Variants in GALNTL5 observed in about 807,000 individuals in gnomAD.
GALNTL5 encodes polypeptide N-acetylgalactosaminyltransferase like 5.
In GALNTL5, 44 loss-of-function variants were observed where a neutral mutation model predicts 51.0. The observed-to-expected ratio is 0.86, with a 90% CI of 0.68 to 1.11. The LOEUF (loss-of-function observed/expected upper bound fraction) is 1.11, where lower values mean the gene tolerates loss of function less well. Ranked by LOEUF, GALNTL5 falls within the 50% of genes least tolerant of loss-of-function variation. The pLI is 0.00. For missense variants in GALNTL5, 528 were observed against 531.8 expected, an observed-to-expected ratio of 0.99 and a Z score of 0.07; for synonymous variants, 192 against 182.8, an observed-to-expected ratio of 1.05 and a Z score of -0.41.
chr7:152,009,832 A>G (rs1485262668), intron 7 of GALNTL5, among the ~76,000 whole-genome samples: 1 of 152,198 alleles, frequency 6.6e-6, no homozygotes, highest in Non-Finnish European at 1.5e-5. Context: ...TATTTTTAGT[A>G]GGATACTTGC....
chr7:152,003,617 A>C (rs564495192), intron 6 of GALNTL5, among the ~76,000 whole-genome samples: 1 of 152,368 alleles, frequency 6.6e-6, no homozygotes, highest in East Asian at 1.9e-4. Context: ...AGCTACAGTA[A>C]TGTCACAGAC....
intron 8 of GALNTL5, among the ~76,000 whole-genome samples, chr7:152,016,822 G>A (rs1286788210): frequency 6.6e-6 from 1 of 151,924 alleles, no homozygotes; most frequent in Non-Finnish European, 1.5e-5. Context: ...ATCACCTGAG[G>A]CCAGGAGTTC....
At chr7:151,965,142 A>G (rs2081042629) in intron 1 of GALNTL5, among the ~76,000 whole-genome samples, 1 of 152,154 alleles carries the variant, frequency 6.6e-6, no homozygotes, top group Admixed American at 6.5e-5. Context: ...GGCTTTCCCC[A>G]AGCCCAAAGC....
rs2081784788 is a variant in GALNTL5 at position 152,014,758 on chromosome 7, C to T, written c.1141C>T (p.Leu381=). The change falls in exon 8 of 9, where the codon CTA becomes TTA. Residue 381 remains leucine, a synonymous_variant. Transcript: ENST00000392800. ...TIISAMTHNY[L]RLVHVWLDEY... ...CATCAGTGCTATGACACATAACTAC[C>T]TAAGACTGGTGCACGTTTGGCTGGA... 1.9e-6 allele frequency: 3 copies of T among 1,612,554 alleles called. No individual in the cohort carries two copies. The highest frequency in any genetic ancestry group is 2.5e-6 in the Non-Finnish European group (3 of 1,179,600).
At chr7:151,992,630 C>T (rs1365498785) in intron 5 of GALNTL5, among the ~76,000 whole-genome samples, 1 of 152,182 alleles carries the variant, frequency 6.6e-6, no homozygotes, top group Non-Finnish European at 1.5e-5. Context: ...GCTCGCTCTA[C>T]CCTGGTATGA....
chr7:151,964,220 T>C (rs1301760315), intron 1 of GALNTL5, among the ~76,000 whole-genome samples: 1 of 152,210 alleles, frequency 6.6e-6, no homozygotes, highest in Non-Finnish European at 1.5e-5. Flanking sequence ...CCCTGTGACC[T>C]CATATAACCA....
At chr7:151,993,282 C>CT (rs760886747) in intron 5 of GALNTL5, among the ~76,000 whole-genome samples, 186 of 150,240 alleles carry the variant, frequency 1.2e-3, no homozygotes, top group Admixed American at 3.0e-3. Flanking sequence ...TTTGTTTGTA[C>CT]TGTGTTCTTA....
In GALNTL5 at chr7:151,964,319, G is replaced by A. The variant is rs574240642; in HGVS notation, c.-39-2889G>A. Among the ~76,000 whole-genome samples the A allele has an allele frequency of 1.2e-4, 18 of 152,290 alleles. No individual in the cohort carries two copies. In the South Asian group the frequency reaches 3.1e-3, roughly 26 times the overall value. ...GTGAGTTGCAGGGGGACACAGTTCC[G>A]TTCATTGCAGCATTCGATTCTGATA... is the stretch of plus-strand genomic sequence containing the variant. On this transcript the variant is annotated intron_variant, in intron 1 of 8. Coordinates refer to ENST00000392800, the MANE Select transcript of GALNTL5 (RefSeq NM_145292.4).
intron 5 of GALNTL5, among the ~76,000 whole-genome samples, chr7:151,992,870 C>T (rs558250327): frequency 3.3e-5 from 5 of 151,374 alleles, no homozygotes; most frequent in African/African-American, 4.9e-5. Flanking sequence ...ATGTAAATAT[C>T]TCACAACACC....
chr7:151,998,775 A>AAAAAAC (rs1441394772), intron 5 of GALNTL5, among the ~76,000 whole-genome samples: 1 of 117,722 alleles, frequency 8.5e-6, no homozygotes, highest in Non-Finnish European at 1.9e-5. Flanking sequence ...CTATCTAAAA[A>AAAAAAC]AAAAAAAACA....
intron 3 of GALNTL5, chr7:151,982,695 T>G (rs778560947): frequency 9.1e-6 from 4 of 440,918 alleles, no homozygotes; most frequent in Non-Finnish European, 1.6e-5. Flanking sequence ...ATGAATATAA[T>G]TTGTGTTTAT....
At chr7:151,961,312 G>C (rs2080988002) in intron 1 of GALNTL5, among the ~76,000 whole-genome samples, 2 of 151,394 alleles carry the variant, frequency 1.3e-5, no homozygotes, top group Admixed American at 6.6e-5. Context: ...AACCAGCCTG[G>C]GTAACATGGC....
At chr7:152,002,389 A>C in intron 5 of GALNTL5, among the ~76,000 whole-genome samples, 1 of 152,186 alleles carries the variant, frequency 6.6e-6, no homozygotes. Flanking sequence ...AATTTGCTAA[A>C]TTTAAGCTGA....
In GALNTL5 at chr7:152,015,633, A is replaced by AT. The variant is rs529214900; in HGVS notation, c.1176+841dup. On this transcript the variant is annotated intron_variant, in intron 8 of 8. Coordinates refer to ENST00000392800, the MANE Select transcript of GALNTL5 (RefSeq NM_145292.4). Reference sequence around the variant, plus strand: ...TCGGCCTTCCAAAGTGCTGGGATTTATAAGAGTGAGCCACCGTACCCGGCC... The same window carrying AT: ...TCGGCCTTCCAAAGTGCTGGGATTTATTAAGAGTGAGCCACCGTACCCGGCC... Among the ~76,000 whole-genome samples, 5 of 151,816 alleles carry AT rather than the reference A, an allele frequency of 3.3e-5. No individual in the cohort carries two copies. The South Asian group carries it at 1.0e-3, about 32-fold the overall frequency.
chr7:152,010,054 A>G (rs1327356081), intron 7 of GALNTL5, among the ~76,000 whole-genome samples: 2 of 152,222 alleles, frequency 1.3e-5, no homozygotes, highest in African/African-American at 4.8e-5. Context: ...TGTATTGAGT[A>G]CTGTTATGTA....
At chr7:151,982,258 T>C (rs1041082963) in intron 3 of GALNTL5, among the ~76,000 whole-genome samples, 4 of 151,350 alleles carry the variant, frequency 2.6e-5, no homozygotes, top group Non-Finnish European at 5.9e-5. Flanking sequence ...ACTAAAAACA[T>C]AAAAAATTAG....
intron 4 of GALNTL5, among the ~76,000 whole-genome samples, chr7:151,983,931 C>G (rs1183970086): frequency 6.6e-6 from 1 of 151,998 alleles, no homozygotes; most frequent in East Asian, 1.9e-4. Context: ...AAGGGAACTC[C>G]CAGCCCAGCC....
intron 5 of GALNTL5, among the ~76,000 whole-genome samples, chr7:151,996,245 A>C (rs1313820991): frequency 6.6e-6 from 1 of 151,732 alleles, no homozygotes; most frequent in Non-Finnish European, 1.5e-5. Flanking sequence ...TTTAGGGTAC[A>C]TGTGCACAAT....
At chr7:151,967,133 G>A (rs1182826360) in intron 1 of GALNTL5, 75 bp from the exon 2 acceptor site, 3 of 898,666 alleles carry the variant, frequency 3.3e-6, no homozygotes, top group Non-Finnish European at 5.1e-6. Context: ...ACTAAAAATG[G>A]AATTTAAGCC....
Sources: allele counts gnomAD v4.1 joint callset (sites outside exome capture counted in the v4.1 genomes callset), GRCh38; gene constraint gnomAD v4.1.1; transcripts MANE v1.5; gene names NCBI Gene and HGNC (gene_info 2026-07-23, HGNC 2026-07-21).